The following GRM8 variants were observed in gnomAD, a reference collection of about 807,000 sequenced individuals.
The protein encoded by GRM8 is metabotropic glutamate receptor 8.
Under a neutral mutation model 87.2 loss-of-function variants are expected in GRM8, and 47 were observed. That is an observed-to-expected ratio of 0.54 (90% CI 0.43 to 0.69). GRM8 has a LOEUF of 0.69. GRM8 is among the 30% of genes least tolerant of loss of function. GRM8 has a pLI of 0.00. For missense variants in GRM8, 1,019 were observed against 1,139.2 expected, an observed-to-expected ratio of 0.89 and a Z score of 1.52; for synonymous variants, 396 against 404.5, an observed-to-expected ratio of 0.98 and a Z score of 0.25.
chr7:126,705,007 G>A (rs1024906386), intron 7 of GRM8, among the ~76,000 whole-genome samples: 2 of 152,080 alleles, frequency 1.3e-5, no homozygotes, highest in African/African-American at 4.8e-5. Flanking sequence ...AAACTTGCTG[G>A]TTTTGCAGCT....
At chr7:126,462,280 G>A (rs1297459197) in intron 9 of GRM8, among the ~76,000 whole-genome samples, 1 of 146,226 alleles carries the variant, frequency 6.8e-6, no homozygotes, top group Non-Finnish European at 1.5e-5. Context: ...GACAAGGTAT[G>A]TGCAGTTATA....
At chr7:126,553,382 T>C (rs560053427) in intron 8 of GRM8, among the ~76,000 whole-genome samples, 3 of 152,194 alleles carry the variant, frequency 2.0e-5, no homozygotes, top group Non-Finnish European at 4.4e-5. Flanking sequence ...GTTGGGTTAT[T>C]TTAATTAAAT....
chr7:126,709,884 G>C (rs894888285), intron 7 of GRM8, among the ~76,000 whole-genome samples: 6 of 151,972 alleles, frequency 3.9e-5, no homozygotes, highest in Non-Finnish European at 8.8e-5. Flanking sequence ...GATGAACTCA[G>C]GGGACATAAT....
chr7:126,748,600 G>A (rs941904188), intron 7 of GRM8, among the ~76,000 whole-genome samples: 3 of 132,784 alleles, frequency 2.3e-5, no homozygotes, highest in Non-Finnish European at 3.2e-5. Context: ...AGAGCAGGTC[G>A]GGTTTTTTTT....
chr7:126,505,937 T>C (rs1023731327), intron 9 of GRM8, among the ~76,000 whole-genome samples: 6 of 151,944 alleles, frequency 3.9e-5, no homozygotes, highest in Non-Finnish European at 8.8e-5. Flanking sequence ...ACATTAGGGG[T>C]CAAGAACTTA....
intron 9 of GRM8, among the ~76,000 whole-genome samples, chr7:126,478,860 A>G (rs1055715318): frequency 6.6e-6 from 1 of 152,098 alleles, no homozygotes; most frequent in African/African-American, 2.4e-5. Flanking sequence ...ACCAAAATAT[A>G]TTTATGATAA....
intron 9 of GRM8, among the ~76,000 whole-genome samples, chr7:126,471,363 G>T (rs373993908): frequency 6.6e-6 from 1 of 152,002 alleles, no homozygotes; most frequent in African/African-American, 2.4e-5. Flanking sequence ...GAATTAATTT[G>T]TGTATAAGGT....
intron 6 of GRM8, among the ~76,000 whole-genome samples, chr7:126,799,315 C>T (rs1461405128): frequency 3.9e-5 from 6 of 152,020 alleles, no homozygotes; most frequent in African/African-American, 9.7e-5. Flanking sequence ...ACTGAAGGCA[C>T]GCTCAGGAAT....
intron 3 of GRM8, among the ~76,000 whole-genome samples, chr7:126,995,466 CAAAG>C (rs997999378): frequency 1.3e-5 from 2 of 152,086 alleles, no homozygotes; most frequent in African/African-American, 4.8e-5. Flanking sequence ...CAACATAACA[CAAAG>C]AAGAATTCAG....
chr7:127,153,617 C>T (rs944873809), intron 2 of GRM8, among the ~76,000 whole-genome samples: 1 of 152,054 alleles, frequency 6.6e-6, no homozygotes, highest in Non-Finnish European at 1.5e-5. Flanking sequence ...GATAATTAGG[C>T]AATTTGAAGT....
At chr7:126,970,232 A>G (rs973201037) in intron 3 of GRM8, among the ~76,000 whole-genome samples, 4 of 152,172 alleles carry the variant, frequency 2.6e-5, no homozygotes, top group Non-Finnish European at 5.9e-5. Context: ...TGTCCTGTGA[A>G]GCCAGCATTG....
intron 8 of GRM8, among the ~76,000 whole-genome samples, chr7:126,564,387 T>C (rs200462106): frequency 6.6e-6 from 1 of 152,070 alleles, no homozygotes; most frequent in East Asian, 1.9e-4. Context: ...CAGAGTGAAG[T>C]CAAAGATATT....
intron 7 of GRM8, among the ~76,000 whole-genome samples, chr7:126,640,918 G>A (rs1000837648): frequency 6.6e-6 from 1 of 151,752 alleles, no homozygotes; most frequent in Non-Finnish European, 1.5e-5. Context: ...CATACTGCTC[G>A]GTAATATGTC....
In GRM8 at chr7:126,708,587, A is replaced by C. The variant is rs547924970; in HGVS notation, c.1357+61278T>G. Among the ~76,000 whole-genome samples, 20 of 150,974 alleles carry C rather than the reference A, an allele frequency of 1.3e-4. No homozygotes were observed. The South Asian group carries it at 2.9e-3, about 22-fold the overall frequency. Reference sequence around the variant, plus strand: ...TATAGATTATATATCACATAGAGAGAGCTCCATATATATATATGGAGGCTG... The same window carrying C: ...TATAGATTATATATCACATAGAGAGCGCTCCATATATATATATGGAGGCTG... On this transcript the variant is annotated intron_variant, in intron 7 of 10. Transcript: ENST00000339582.
chr7:126,967,923 C>T (rs1447180881), intron 3 of GRM8, among the ~76,000 whole-genome samples: 7 of 152,140 alleles, frequency 4.6e-5, no homozygotes, highest in Non-Finnish European at 7.4e-5. Flanking sequence ...TGCCTTAAGC[C>T]TCCATGACTT....
chr7:127,122,811 A>T (rs1163790707), intron 2 of GRM8, among the ~76,000 whole-genome samples: 8 of 152,192 alleles, frequency 5.3e-5, no homozygotes, highest in Non-Finnish European at 1.0e-4. Context: ...TGAGATAAAA[A>T]AAATTCAACA....
intron 3 of GRM8, among the ~76,000 whole-genome samples, chr7:127,023,326 T>C (rs1207910070): frequency 6.6e-6 from 1 of 152,084 alleles, no homozygotes; most frequent in Non-Finnish European, 1.5e-5. Context: ...ATTTAAACAA[T>C]TATAAAATGT....
intron 2 of GRM8, among the ~76,000 whole-genome samples, chr7:127,143,042 G>T (rs145471664): frequency 6.6e-6 from 1 of 152,282 alleles, no homozygotes; most frequent in Non-Finnish European, 1.5e-5. Flanking sequence ...CTAGAGGGGT[G>T]AAGTGAAAGG....
At chr7:127,155,860 C>T (rs1792696401) in intron 2 of GRM8, among the ~76,000 whole-genome samples, 1 of 152,124 alleles carries the variant, frequency 6.6e-6, no homozygotes, top group Non-Finnish European at 1.5e-5. Context: ...GGGACCTGTG[C>T]TCATGGAAGA....
Sources: gnomAD v4.1 joint callset for allele counts (sites outside exome capture counted in the v4.1 genomes callset) on GRCh38, gnomAD v4.1.1 for gene constraint, MANE v1.5 for transcripts, NCBI Gene and HGNC (gene_info 2026-07-23, HGNC 2026-07-21) for gene names.